Variants in BTBD9 observed in about 807,000 individuals in gnomAD.
BTBD9 encodes BTB/POZ domain-containing protein 9.
Under a neutral mutation model 64.3 loss-of-function variants are expected in BTBD9, and 49 were observed. That is an observed-to-expected ratio of 0.76 (90% CI 0.61 to 0.97). BTBD9 has a LOEUF of 0.97. Ranked by LOEUF, BTBD9 falls within the 50% of genes least tolerant of loss-of-function variation. BTBD9 has a pLI of 0.00. For synonymous variants in BTBD9, 260 were observed against 274.7 expected (o/e 0.95, Z 0.53); for missense variants, 598 against 762.1 (o/e 0.78, Z 2.53).
intron 6 of BTBD9, among the ~76,000 whole-genome samples, chr6:38,359,448 T>C (rs1188880721): frequency 6.6e-6 from 1 of 152,216 alleles, no homozygotes; most frequent in African/African-American, 2.4e-5. Flanking sequence ...TCCCAGCTTG[T>C]CTTCTGGAGT....
chr6:38,632,548 G>A (rs1778398084), intron 1 of BTBD9, among the ~76,000 whole-genome samples: 1 of 152,192 alleles, frequency 6.6e-6, no homozygotes. Context: ...TAAAAGAGTT[G>A]ACTTTACTAA....
At chr6:38,431,620 A>G (rs768242457) in intron 6 of BTBD9, among the ~76,000 whole-genome samples, 7 of 149,964 alleles carry the variant, frequency 4.7e-5, no homozygotes, top group Non-Finnish European at 8.8e-5. Flanking sequence ...CCTAATCTCT[A>G]TCTACTCTGT....
chr6:38,289,077 A>G (rs886106883), intron 7 of BTBD9, among the ~76,000 whole-genome samples: 7 of 152,066 alleles, frequency 4.6e-5, no homozygotes, highest in African/African-American at 1.7e-4. Context: ...TTAATACAGA[A>G]AATTAAAAAT....
chr6:38,513,611 T>C (rs146938339), intron 6 of BTBD9, among the ~76,000 whole-genome samples: 118 of 152,212 alleles, frequency 7.8e-4, no homozygotes, highest in African/African-American at 2.7e-3. Context: ...ATGATTCTGC[T>C]TTGGAGAAAA....
intron 6 of BTBD9, among the ~76,000 whole-genome samples, chr6:38,349,285 T>C (rs999014770): frequency 5.3e-5 from 8 of 152,170 alleles, no homozygotes; most frequent in African/African-American, 1.9e-4. Context: ...ATTGAAAATA[T>C]CGAATGCAGT....
At chr6:38,283,539 C>T (rs1761601524) in intron 8 of BTBD9, among the ~76,000 whole-genome samples, 1 of 152,148 alleles carries the variant, frequency 6.6e-6, no homozygotes, top group African/African-American at 2.4e-5. Flanking sequence ...GTCCCAGCTG[C>T]TCAAGAGGCT....
chr6:38,509,644 T>C (rs991403313), intron 6 of BTBD9, among the ~76,000 whole-genome samples: 5 of 151,638 alleles, frequency 3.3e-5, no homozygotes, highest in African/African-American at 1.2e-4. Flanking sequence ...GTATAAAATA[T>C]AAAAAAAAGG....
intron 8 of BTBD9, among the ~76,000 whole-genome samples, chr6:38,268,627 A>G (rs751955841): frequency 6.6e-6 from 1 of 152,072 alleles, no homozygotes; most frequent in Non-Finnish European, 1.5e-5. Flanking sequence ...CTATTTTCCC[A>G]CACCTCTTTC....
At chr6:38,502,159 G>C (rs994838927) in intron 6 of BTBD9, among the ~76,000 whole-genome samples, 14 of 152,176 alleles carry the variant, frequency 9.2e-5, no homozygotes, top group African/African-American at 3.1e-4. Flanking sequence ...TCAAATGTTG[G>C]CTTGGGTGGC....
chr6:38,617,220 C>G (rs1301405051), intron 1 of BTBD9, among the ~76,000 whole-genome samples: 1 of 152,168 alleles, frequency 6.6e-6, no homozygotes, highest in African/African-American at 2.4e-5. Flanking sequence ...CCGGGCTGAG[C>G]CGAGGGTCAA....
Position 38,205,487 on chromosome 6 carries a change from T to C in BTBD9, c.1563-12890A>G, listed in dbSNP as rs573379025. On this transcript the variant is annotated intron_variant, in intron 9 of 10. Transcript: ENST00000481247. Reference sequence around the variant, plus strand: ...GAAGTATGAGAACAGAATAAAGAAATTGTCATTCAGGCATAAAAAAAATTC... The same window carrying C: ...GAAGTATGAGAACAGAATAAAGAAACTGTCATTCAGGCATAAAAAAAATTC... Among the ~76,000 whole-genome samples the C allele has an allele frequency of 2.6e-5, 4 of 152,116 alleles. No homozygotes were observed. The South Asian group carries it at 6.2e-4, about 24-fold the overall frequency.
At chr6:38,597,321 A>T (rs1777076921) in intron 2 of BTBD9, among the ~76,000 whole-genome samples, 1 of 152,250 alleles carries the variant, frequency 6.6e-6, no homozygotes, top group Non-Finnish European at 1.5e-5. Flanking sequence ...AAGATCCATT[A>T]TCATGCATAA....
In BTBD9 at chr6:38,354,006, T is replaced by G. The variant is rs9380737; in HGVS notation, c.1155-8913A>C. Among the ~76,000 whole-genome samples the G allele has an allele frequency of 4.6e-5, 7 of 152,038 alleles. No homozygotes were observed. The East Asian group carries it at 1.4e-3, about 29-fold the overall frequency. ...GAAGAATCTGTTTTTCTCCTTTTTT[T>G]TTCTTTTAGAGTAGAGAGTTAAATA... On this transcript the variant is annotated intron_variant, in intron 6 of 10. Transcript: ENST00000481247.
chr6:38,193,481 C>T (rs926742656), intron 9 of BTBD9, among the ~76,000 whole-genome samples: 1 of 152,156 alleles, frequency 6.6e-6, no homozygotes, highest in Non-Finnish European at 1.5e-5. Context: ...TCGAAAGCAT[C>T]CCCGATATTT....
chr6:38,184,052 G>A lies in BTBD9; in HGVS notation c.1641+8467C>T, dbSNP rs1761702591. Among the ~76,000 whole-genome samples the A allele has an allele frequency of 6.6e-6, 1 of 152,134 alleles. No homozygotes were observed. Among genetic ancestry groups the A allele is most frequent in the South Asian group, 2.1e-4 (1 of 4,822 alleles). Reference sequence around the variant, plus strand: ...GTAATCCTAGTATACGTATTCTTTGGTGTCTGGCTTCTGTCCTTCAACACG... The same window carrying A: ...GTAATCCTAGTATACGTATTCTTTGATGTCTGGCTTCTGTCCTTCAACACG... On this transcript the variant is annotated intron_variant, in intron 10 of 10. Transcript: ENST00000481247. This position sits in a 1 kb window ranked among gnomAD's most constrained non-coding sequence, Gnocchi z 4.4.
intron 6 of BTBD9, among the ~76,000 whole-genome samples, chr6:38,392,077 C>G (rs796815109): frequency 9.2e-5 from 14 of 152,196 alleles, no homozygotes; most frequent in African/African-American, 2.9e-4. Flanking sequence ...TGGCAAGACA[C>G]CAAACAAAGT....
intron 6 of BTBD9, among the ~76,000 whole-genome samples, chr6:38,548,382 A>G (rs1774649921): frequency 6.6e-6 from 1 of 152,222 alleles, no homozygotes; most frequent in Non-Finnish European, 1.5e-5. Flanking sequence ...TAATTTACTG[A>G]AAATTGAAAT....
intron 9 of BTBD9, among the ~76,000 whole-genome samples, chr6:38,254,740 A>C (rs1321964714): frequency 2.0e-5 from 3 of 152,234 alleles, no homozygotes; most frequent in African/African-American, 7.2e-5. Context: ...TAGGATGGCT[A>C]TGGTCAAAAA....
intron 6 of BTBD9, among the ~76,000 whole-genome samples, chr6:38,424,166 A>G (rs1482990961): frequency 6.6e-6 from 1 of 152,042 alleles, no homozygotes; most frequent in Non-Finnish European, 1.5e-5. Context: ...CAAGTGGATT[A>G]TATTTCCAAG....
Sources: gnomAD v4.1 joint callset for allele counts (sites outside exome capture counted in the v4.1 genomes callset) on GRCh38, gnomAD v4.1.1 for gene constraint, Gnocchi (gnomAD v3.1) non-coding constraint, MANE v1.5 for transcripts, NCBI Gene and HGNC (gene_info 2026-07-23, HGNC 2026-07-21) for gene names.